The following SPATA9 variants were observed in gnomAD, a reference collection of about 807,000 sequenced individuals.
SPATA9 encodes spermatogenesis associated 9, also known as spermatogenesis-associated protein 9.
Under a neutral mutation model 25.5 loss-of-function variants are expected in SPATA9, and 27 were observed. The observed-to-expected ratio is 1.06, with a 90% CI of 0.78 to 1.46. The LOEUF (loss-of-function observed/expected upper bound fraction) is 1.46. Ranked by LOEUF, SPATA9 falls within the 40% of genes most tolerant of loss-of-function variation. The pLI is 0.00. For synonymous variants in SPATA9, 102 were observed against 105.7 expected (o/e 0.97, Z 0.21); for missense variants, 282 against 297.5 (o/e 0.95, Z 0.38).
chr5:95,658,406 T>C lies in SPATA9; in HGVS notation c.*217A>G, dbSNP rs151268051. The C allele has an allele frequency of 3.0e-5, 12 of 406,066 alleles. No homozygotes were observed. Among genetic ancestry groups the C allele is most frequent in the African/African-American group, 2.4e-4 (12 of 49,894 alleles). 25.2% of individuals were successfully genotyped at this position (406,066 alleles called of 1,614,324 possible). On this transcript the variant is annotated 3_prime_UTR_variant, in exon 5 of 5. Transcript: ENST00000274432. ...ACCAGAGGATGGATTTTCTTGTTCA[T>C]TAAAAGTATGTAGTCAGTACATATA...
rs1753583867 is a variant in SPATA9, at chr5:95,682,851, G to T, written c.4C>A (p.Pro2Thr). The part of the protein sequence containing the change: M[P>T]IKPVGWICGQ... ...CATATCCACCCAACAGGTTTGATTG[G>T]CATGGTGAGTTCTTGCTTGGGTTCC... The change falls in exon 1 of 5, where the codon CCA becomes ACA. Residue 2 changes from proline to threonine, a missense_variant. Transcript: ENST00000274432. 6.5e-7 allele frequency: 1 copy of T among 1,527,872 alleles called. No homozygotes were observed. The allele number at this position is 1,527,872 out of a possible 1,614,324, so 94.6% of individuals were successfully genotyped here.
chr5:95,731,257 C>G, the SPATA9 span: 48 of 1,005,722 alleles, frequency 4.8e-5, no homozygotes, highest in African/African-American at 7.8e-4. Context: ...GTGCTGCGCC[C>G]GGTCCGCTGA....
At chr5:95,690,127 C>T (rs1463249050) in intron 1 of SPATA9, among the ~76,000 whole-genome samples, 1 of 151,840 alleles carries the variant, frequency 6.6e-6, no homozygotes, top group African/African-American at 2.4e-5. Context: ...CACCAAACCC[C>T]CATGACAAGG....
chr5:95,710,606 C>A, the SPATA9 span, among the ~76,000 whole-genome samples: 3 of 152,122 alleles, frequency 2.0e-5, no homozygotes, highest in African/African-American at 7.2e-5. Context: ...TTAGCAACTC[C>A]CTGGCTTTCA....
the SPATA9 span, among the ~76,000 whole-genome samples, chr5:95,706,104 C>T: frequency 1.3e-5 from 2 of 152,104 alleles, no homozygotes; most frequent in South Asian, 4.2e-4. Context: ...TTTTTTTAGA[C>T]TGGTTTGTAA....
chr5:95,704,064 TAC>T, the SPATA9 span, among the ~76,000 whole-genome samples: 18 of 150,138 alleles, frequency 1.2e-4, no homozygotes, highest in African/African-American at 2.7e-4. Context: ...TATACACACA[TAC>T]ACACACACAC....
chr5:95,683,769 C>T (rs982669485), upstream of SPATA9, among the ~76,000 whole-genome samples: 9 of 152,082 alleles, frequency 5.9e-5, no homozygotes, highest in Non-Finnish European at 1.2e-4. Flanking sequence ...CATCTCCTGA[C>T]CTCATGATCC....
chr5:95,706,975 G>A, the SPATA9 span, among the ~76,000 whole-genome samples: 1 of 152,112 alleles, frequency 6.6e-6, no homozygotes, highest in Admixed American at 6.6e-5. Flanking sequence ...ACATAACAGG[G>A]CAATGTAGAG....
the SPATA9 span, chr5:95,731,934 C>T: frequency 1.4e-5 from 23 of 1,614,026 alleles, no homozygotes; most frequent in Middle Eastern, 1.6e-4. Flanking sequence ...GGCTTATCCG[C>T]ACTTACCTGG....
upstream of SPATA9, among the ~76,000 whole-genome samples, chr5:95,702,888 C>T (rs571069416): frequency 2.0e-5 from 3 of 152,132 alleles, no homozygotes; most frequent in Non-Finnish European, 2.9e-5. Flanking sequence ...TTCAAAAAAA[C>T]AAAAATAAAA....
At chr5:95,652,612 G>T, downstream of SPATA9, 1 of 331,172 alleles carries the variant, frequency 3.0e-6, no homozygotes. Flanking sequence ...TTTTTCTGTA[G>T]CATCTTCATT....
chr5:95,720,194 C>A, the SPATA9 span, among the ~76,000 whole-genome samples: 1 of 152,146 alleles, frequency 6.6e-6, no homozygotes, highest in Non-Finnish European at 1.5e-5. Context: ...TCTGGACTTG[C>A]AAAACTGAAG....
At chr5:95,681,214 T>C (rs1753424319) in intron 2 of SPATA9, among the ~76,000 whole-genome samples, 2 of 152,210 alleles carry the variant, frequency 1.3e-5, no homozygotes, top group South Asian at 4.1e-4. Context: ...CTTTTTCACA[T>C]GGCATACAAA....
chr5:95,679,921 G>A (rs1274141265), intron 2 of SPATA9, among the ~76,000 whole-genome samples: 2 of 152,162 alleles, frequency 1.3e-5, no homozygotes, highest in Admixed American at 6.5e-5. Flanking sequence ...TTTTTGAGAC[G>A]GAATCTCGCT....
upstream of SPATA9, among the ~76,000 whole-genome samples, chr5:95,703,374 C>T (rs962339690): frequency 6.6e-6 from 1 of 152,158 alleles, no homozygotes; most frequent in African/African-American, 2.4e-5. Flanking sequence ...TGGTTTATGC[C>T]TGTAATCCCA....
chr5:95,697,834 T>C (rs192787917), intron 1 of SPATA9, among the ~76,000 whole-genome samples: 1 of 149,244 alleles, frequency 6.7e-6, no homozygotes, highest in East Asian at 1.9e-4. Context: ...TAGTTGGGTG[T>C]TTTTGTCAGT....
chr5:95,683,790 G>T (rs938232403), upstream of SPATA9, among the ~76,000 whole-genome samples: 1 of 152,116 alleles, frequency 6.6e-6, no homozygotes, highest in African/African-American at 2.4e-5. Context: ...GCCTGCCTCG[G>T]CCTCCCAAAG....
the SPATA9 span, among the ~76,000 whole-genome samples, chr5:95,722,580 C>T: frequency 6.6e-6 from 1 of 152,150 alleles, no homozygotes; most frequent in Non-Finnish European, 1.5e-5. Context: ...ACCTCCGCCT[C>T]CTGGGTTCAA....
upstream of SPATA9, chr5:95,684,569 G>A (rs554323148): frequency 1.4e-4 from 22 of 152,316 alleles, no homozygotes; most frequent in African/African-American, 5.3e-4. Context: ...TGCTAACAAC[G>A]TCCTTTTTGT....
Sources: gnomAD v4.1 joint callset for allele counts (sites outside exome capture counted in the v4.1 genomes callset) on GRCh38, gnomAD v4.1.1 for gene constraint, MANE v1.5 for transcripts, NCBI Gene and HGNC (gene_info 2026-07-23, HGNC 2026-07-21) for gene names.